DYNC1I1: variants seen among roughly 807,000 people sequenced by gnomAD.
DYNC1I1 encodes the protein dynein cytoplasmic 1 intermediate chain 1, also known as cytoplasmic dynein 1 intermediate chain 1.
DYNC1I1 carries 43 observed loss-of-function variants against 86.6 expected under a neutral mutation model. The observed-to-expected ratio is 0.50, with a 90% CI of 0.39 to 0.64. The LOEUF is 0.64. Ranked by LOEUF, DYNC1I1 falls within the 30% of genes least tolerant of loss-of-function variation. DYNC1I1 has a pLI of 0.00. For missense variants in DYNC1I1, 604 were observed against 788.8 expected, an observed-to-expected ratio of 0.77 and a Z score of 2.81; for synonymous variants, 262 against 283.7, an observed-to-expected ratio of 0.92 and a Z score of 0.77.
At chr7:95,978,906 C>T (rs746118309) in intron 7 of DYNC1I1, among the ~76,000 whole-genome samples, 46 of 152,172 alleles carry the variant, frequency 3.0e-4, no homozygotes, top group Admixed American at 1.2e-3. Context: ...AGCTATTCTC[C>T]TGCCTTAGCA....
chr7:95,858,665 T>C (rs1287973889), intron 5 of DYNC1I1, among the ~76,000 whole-genome samples: 3 of 151,846 alleles, frequency 2.0e-5, no homozygotes, highest in Non-Finnish European at 4.4e-5. Context: ...CTTATAGGAA[T>C]TTTTCAACTC....
At chr7:95,804,434 T>C (rs1284335848) in intron 1 of DYNC1I1, 4 of 1,206,502 alleles carry the variant, frequency 3.3e-6, no homozygotes, top group African/African-American at 3.1e-5. Flanking sequence ...GTATAGAAAA[T>C]GTGTTGCTTA....
intron 6 of DYNC1I1, among the ~76,000 whole-genome samples, chr7:95,947,924 C>G (rs899031054): frequency 1.3e-5 from 2 of 150,462 alleles, no homozygotes; most frequent in African/African-American, 2.4e-5. Context: ...TGTAAATTCT[C>G]TCCATCTTTT....
chr7:95,987,321 T>G (rs1410336130), intron 9 of DYNC1I1, among the ~76,000 whole-genome samples, 166 bp downstream of exon 9: 2 of 152,160 alleles, frequency 1.3e-5, no homozygotes, highest in Non-Finnish European at 2.9e-5. Flanking sequence ...CTCAGTTATT[T>G]GTATTTATTG....
At chr7:96,059,900 G>C (rs908963206) in intron 14 of DYNC1I1, among the ~76,000 whole-genome samples, 3 of 152,206 alleles carry the variant, frequency 2.0e-5, no homozygotes, top group Non-Finnish European at 2.9e-5. Context: ...TCAGTGGTCA[G>C]ATAATGTATG....
chr7:95,955,793 A>G (rs567981596), intron 6 of DYNC1I1, among the ~76,000 whole-genome samples: 8 of 152,332 alleles, frequency 5.3e-5, no homozygotes, highest in African/African-American at 1.9e-4. Flanking sequence ...GACTGTGAAC[A>G]TAGCCTACAG....
intron 6 of DYNC1I1, among the ~76,000 whole-genome samples, chr7:95,924,036 G>T (rs1485257693): frequency 6.6e-6 from 1 of 151,778 alleles, no homozygotes; most frequent in East Asian, 1.9e-4. Context: ...TGTACTTTGG[G>T]GCCATTATTG....
intron 6 of DYNC1I1, among the ~76,000 whole-genome samples, chr7:95,924,652 T>C (rs1158690623): frequency 1.3e-5 from 2 of 152,142 alleles, no homozygotes; most frequent in African/African-American, 4.8e-5. Flanking sequence ...CAATTCTGAG[T>C]GTTCCTTAAA....
At chr7:95,851,809 C>T (rs1400564552) in intron 5 of DYNC1I1, among the ~76,000 whole-genome samples, 1 of 152,126 alleles carries the variant, frequency 6.6e-6, no homozygotes, top group African/African-American at 2.4e-5. Context: ...GGTTTAGAGG[C>T]ATGTGCCACC....
At chr7:95,857,837 T>G (rs1427726551) in intron 5 of DYNC1I1, among the ~76,000 whole-genome samples, 1 of 152,208 alleles carries the variant, frequency 6.6e-6, no homozygotes, top group Non-Finnish European at 1.5e-5. Flanking sequence ...ACCCATCACT[T>G]TCACATTATG....
At chr7:95,978,153 C>T (rs1258997910) in intron 7 of DYNC1I1, among the ~76,000 whole-genome samples, 2 of 152,158 alleles carry the variant, frequency 1.3e-5, no homozygotes, top group Admixed American at 1.3e-4. Context: ...AAGCACTCCA[C>T]AGATATTACT....
In DYNC1I1 at chr7:96,013,664, G is replaced by A. The variant is rs145004081; in HGVS notation, c.970-14511G>A. Reference sequence around the variant, plus strand: ...TGTAGGGACAGGTTTTTGCCATGTTGCCCAGGCTGGTCTTGAACTCCTGGG... The same window carrying A: ...TGTAGGGACAGGTTTTTGCCATGTTACCCAGGCTGGTCTTGAACTCCTGGG... On this transcript the variant is annotated intron_variant, in intron 10 of 16. Transcript: ENST00000447467. 7.4e-3 allele frequency among the ~76,000 whole-genome samples: 1,124 copies of A among 152,180 alleles called. 14 individuals carry two copies. The highest frequency in any genetic ancestry group is 0.026 in the African/African-American group (1,066 of 41,528).
intron 1 of DYNC1I1, among the ~76,000 whole-genome samples, chr7:95,785,775 G>GTGTGTATA (rs1317168531): frequency 8.7e-4 from 109 of 124,796 alleles, no homozygotes; most frequent in African/African-American, 2.8e-3. Flanking sequence ...GTGTGTATGT[G>GTGTGTATA]TATATATATA....
At chr7:95,982,018 T>A (rs1793470858) in intron 7 of DYNC1I1, among the ~76,000 whole-genome samples, 1 of 152,190 alleles carries the variant, frequency 6.6e-6, no homozygotes, top group Non-Finnish European at 1.5e-5. Flanking sequence ...TCATGAAATA[T>A]GATGCCTGGA....
At chr7:95,804,409 T>A (rs1388474713) in intron 1 of DYNC1I1, 3 of 1,261,916 alleles carry the variant, frequency 2.4e-6, no homozygotes, top group East Asian at 1.1e-4. Flanking sequence ...TTTTTGTTTA[T>A]TTGTTAAGAA....
At chr7:95,985,764 G>A (rs11761820) in intron 8 of DYNC1I1, among the ~76,000 whole-genome samples, 12 of 151,884 alleles carry the variant, frequency 7.9e-5, no homozygotes, top group South Asian at 4.2e-4. Context: ...CTTAAAGGAC[G>A]ATATCTTATC....
At chr7:96,110,090 G>A (rs1450742999), downstream of DYNC1I1, 2 of 441,542 alleles carry the variant, frequency 4.5e-6, no homozygotes, top group Admixed American at 2.5e-5. Flanking sequence ...GCCCAGCTAT[G>A]CCTGCTTGTT....
intron 14 of DYNC1I1, among the ~76,000 whole-genome samples, chr7:96,047,466 C>T (rs1789253066): frequency 1.3e-5 from 2 of 152,122 alleles, no homozygotes; most frequent in South Asian, 4.1e-4. Flanking sequence ...GAACAGGATG[C>T]TCAATAAAGA....
At chr7:95,819,702 T>C (rs547419552) in intron 4 of DYNC1I1, among the ~76,000 whole-genome samples, 8 of 152,302 alleles carry the variant, frequency 5.3e-5, no homozygotes, top group Non-Finnish European at 8.8e-5. Flanking sequence ...ATTGACAGGA[T>C]GCTACCAGCC....
Sources: gnomAD v4.1 joint callset for allele counts (sites outside exome capture counted in the v4.1 genomes callset) on GRCh38, gnomAD v4.1.1 for gene constraint, MANE v1.5 for transcripts, NCBI Gene and HGNC (gene_info 2026-07-23, HGNC 2026-07-21) for gene names.